Variants in PAX5 observed in about 807,000 individuals in gnomAD.
The protein encoded by PAX5 is paired box protein Pax-5.
In PAX5, 9 loss-of-function variants were observed where a neutral mutation model predicts 43.7. The observed-to-expected ratio is 0.21, with a 90% CI of 0.12 to 0.36. The LOEUF (loss-of-function observed/expected upper bound fraction) is 0.36. Among genes scored for constraint, PAX5 ranks in the 10% least tolerant of loss-of-function variants. The pLI is 1.00. For synonymous variants in PAX5, 228 were observed against 214.3 expected, an observed-to-expected ratio of 1.06 and a Z score of -0.56; for missense variants, 383 against 532.7, an observed-to-expected ratio of 0.72 and a Z score of 2.77.
At chr9:36,945,882 T>A (rs1832459313) in intron 6 of PAX5, among the ~76,000 whole-genome samples, 1 of 152,382 alleles carries the variant, frequency 6.6e-6, no homozygotes, top group South Asian at 2.1e-4. Flanking sequence ...GAGAATTTAA[T>A]GAGTTAATAC....
chr9:37,006,241 G>C (rs763749874), intron 4 of PAX5, among the ~76,000 whole-genome samples: 7 of 151,488 alleles, frequency 4.6e-5, no homozygotes, highest in African/African-American at 7.3e-5. Context: ...TCAATTTTCT[G>C]TCTCATGGTG....
chr9:36,843,336 A>T (rs1449605424), intron 9 of PAX5, among the ~76,000 whole-genome samples: 4 of 152,092 alleles, frequency 2.6e-5, no homozygotes, highest in Admixed American at 6.5e-5. Flanking sequence ...GGGCCGGGAG[A>T]GGTGAACGGG....
intron 8 of PAX5, among the ~76,000 whole-genome samples, chr9:36,847,478 C>T (rs892235563): frequency 9.2e-5 from 14 of 152,298 alleles, no homozygotes; most frequent in African/African-American, 3.4e-4. Flanking sequence ...TCCCTGGGGC[C>T]TCAGTCTCGT....
At chr9:37,023,081 G>A (rs577979235) in intron 1 of PAX5, among the ~76,000 whole-genome samples, 57 of 152,284 alleles carry the variant, frequency 3.7e-4, no homozygotes, top group Middle Eastern at 6.8e-3. Flanking sequence ...GAGGAAAAAA[G>A]AGGTGTGTTA....
intron 7 of PAX5, among the ~76,000 whole-genome samples, chr9:36,894,821 C>T (rs1159237714): frequency 6.6e-6 from 1 of 152,210 alleles, no homozygotes; most frequent in East Asian, 1.9e-4. Context: ...CAGCTCTGTT[C>T]ACATCGAGCT....
Position 36,929,096 on chromosome 9 carries a change from C to CT in PAX5, c.781-5613dup, listed in dbSNP as rs913755739. 5.7e-4 allele frequency among the ~76,000 whole-genome samples: 87 copies of CT among 152,132 alleles called. 1 individual carries two copies. The highest frequency in any genetic ancestry group is 1.9e-3 in the African/African-American group (80 of 41,418). On this transcript the variant is annotated intron_variant, in intron 6 of 9. Coordinates refer to ENST00000358127, the MANE Select transcript of PAX5 (RefSeq NM_016734.3). The stretch of plus-strand genomic sequence containing the variant: ...CCCTTTTCTCTATGTAATTTCTGAA[C>CT]TTTTTTTCCAAACTTAACTTAGATA...
intron 6 of PAX5, among the ~76,000 whole-genome samples, chr9:36,926,502 C>CTTCCTCTTCTGTAGAACAAGACTTGGTCG (rs1830649205): frequency 6.6e-6 from 1 of 152,232 alleles, no homozygotes; most frequent in Non-Finnish European, 1.5e-5. Context: ...GCTGTCTAGA[C>CTTCCTCTTCTGTAGAACAAGACTTGGTCG]TTCCTCTTCT....
chr9:36,915,875 C>T (rs1009507793), intron 7 of PAX5, among the ~76,000 whole-genome samples: 4 of 151,902 alleles, frequency 2.6e-5, no homozygotes, highest in African/African-American at 9.7e-5. Context: ...AGTTCAAAAC[C>T]AGCCTGGGCA....
intron 8 of PAX5, among the ~76,000 whole-genome samples, chr9:36,854,537 T>C (rs80084701): frequency 0.032 from 4,844 of 152,210 alleles, 269 homozygotes; most frequent in African/African-American, 0.11. Flanking sequence ...TCTGTAAAAG[T>C]GGTGTGTTTG....
intron 5 of PAX5, among the ~76,000 whole-genome samples, chr9:36,979,953 A>C (rs1835770170): frequency 6.6e-6 from 1 of 152,210 alleles, no homozygotes; most frequent in Admixed American, 6.5e-5. Flanking sequence ...GCAGCCTAAC[A>C]GAGACTTGAA....
chr9:36,872,852 A>T (rs1185833700), intron 8 of PAX5, among the ~76,000 whole-genome samples: 1 of 152,154 alleles, frequency 6.6e-6, no homozygotes, highest in Admixed American at 6.5e-5. Context: ...AGGCTATTGG[A>T]TGCTCAGCCT....
intron 5 of PAX5, 87 bp downstream of exon 5, chr9:37,002,561 G>A (rs1225170726): frequency 2.1e-6 from 3 of 1,430,494 alleles, no homozygotes; most frequent in South Asian, 1.3e-5. Context: ...GGGTGTTCGC[G>A]GGCACCTCTG....
intron 7 of PAX5, among the ~76,000 whole-genome samples, chr9:36,901,897 A>G (rs895256510): frequency 6.6e-6 from 1 of 152,178 alleles, no homozygotes; most frequent in Non-Finnish European, 1.5e-5. Context: ...AACTGTAGAG[A>G]GTGGTGCACA....
At chr9:36,930,518 C>A (rs908684798) in intron 6 of PAX5, among the ~76,000 whole-genome samples, 1 of 152,194 alleles carries the variant, frequency 6.6e-6, no homozygotes. Context: ...TGAGCCACTG[C>A]GCCTGGCCCT....
chr9:37,014,791 C>G (rs1839254788), intron 3 of PAX5, among the ~76,000 whole-genome samples: 1 of 152,196 alleles, frequency 6.6e-6, no homozygotes, highest in Non-Finnish European at 1.5e-5. Flanking sequence ...TCCCCTCTCC[C>G]TGGGCCTAGG....
intron 7 of PAX5, among the ~76,000 whole-genome samples, chr9:36,910,860 T>A (rs555508640): frequency 1.3e-5 from 2 of 152,354 alleles, no homozygotes; most frequent in Admixed American, 6.5e-5. Context: ...CCTCGAAGCC[T>A]GATTTATGGG....
chr9:36,879,175 C>G (rs1826178314), intron 8 of PAX5, among the ~76,000 whole-genome samples: 1 of 152,340 alleles, frequency 6.6e-6, no homozygotes, highest in African/African-American at 2.4e-5. Context: ...AGCTGTGCCC[C>G]TGCTCGGGCC....
At chr9:37,026,586 C>T (rs765612961) in intron 1 of PAX5, 1 of 1,347,072 alleles carries the variant, frequency 7.4e-7, no homozygotes, top group Middle Eastern at 2.0e-4. Flanking sequence ...CGGGGCGCTC[C>T]AGACTGCAGG....
Position 36,920,036 on chromosome 9 carries a change from G to A in PAX5, c.910+3319C>T, listed in dbSNP as rs374616901. 2.6e-5 allele frequency among the ~76,000 whole-genome samples: 4 copies of A among 152,124 alleles called. No homozygotes were observed. The South Asian group carries it at 8.3e-4, about 32-fold the overall frequency. On this transcript the variant is annotated intron_variant, in intron 7 of 9. Coordinates refer to ENST00000358127, the MANE Select transcript of PAX5 (RefSeq NM_016734.3). ...TAGCGAGAGAACAAGAATTAGAAGT[G>A]GAGCCTGAAGATGTACTGAATTGCT...
Sources: allele counts gnomAD v4.1 joint callset (sites outside exome capture counted in the v4.1 genomes callset), GRCh38; gene constraint gnomAD v4.1.1; transcripts MANE v1.5; gene names NCBI Gene and HGNC (gene_info 2026-07-23, HGNC 2026-07-21).